The following NOVA1 variants were observed in gnomAD, a reference collection of about 807,000 sequenced individuals.
NOVA1 encodes NOVA alternative splicing regulator 1, also known as RNA-binding protein Nova-1.
NOVA1 carries 7 observed loss-of-function variants against 38.0 expected under a neutral mutation model. The observed-to-expected ratio is 0.18, with a 90% confidence interval of 0.10 to 0.35. NOVA1 has a LOEUF of 0.35. Ranked by LOEUF, NOVA1 falls within the 10% of genes least tolerant of loss-of-function variation. The pLI, the probability that NOVA1 is intolerant of heterozygous loss-of-function variation, is 1.00. For synonymous variants in NOVA1, 270 were observed against 232.5 expected (o/e 1.16, Z -1.47); for missense variants, 460 against 616.0 (o/e 0.75, Z 2.68).
chr14:26,456,197 TA>T (rs1438838415), intron 4 of NOVA1, among the ~76,000 whole-genome samples: 3 of 152,010 alleles, frequency 2.0e-5, no homozygotes, highest in Non-Finnish European at 4.4e-5. Flanking sequence ...ACATTAAAAT[TA>T]AAAAGTAAAA....
At chr14:26,490,329 G>A (rs1482792058) in intron 2 of NOVA1, among the ~76,000 whole-genome samples, 7 of 152,128 alleles carry the variant, frequency 4.6e-5, no homozygotes, top group Non-Finnish European at 1.5e-5. Context: ...GGTAGCATCT[G>A]CTTCAGTGCT....
Position 26,445,638 on chromosome 14 carries a change from C to T in NOVA1, c.*2321G>A, listed in dbSNP as rs1882010286. On this transcript the variant is annotated 3_prime_UTR_variant, in exon 5 of 5. Coordinates refer to ENST00000539517, the MANE Select transcript of NOVA1 (RefSeq NM_002515.3). ...CTACTGGAATTTTGAAATAAAAGAT[C>T]GAAGATTTGCTAAGACTGAACAAAA... is the stretch of plus-strand genomic sequence containing the variant. The T allele has an allele frequency of 1.3e-5, 2 of 152,000 alleles. No individual in the cohort carries two copies. The highest frequency in any genetic ancestry group is 2.1e-4 in the South Asian group (1 of 4,814). 9.4% of individuals were successfully genotyped at this position (152,000 alleles called of 1,614,324 possible).
At chr14:26,568,470 G>A (rs1401502025) in intron 2 of NOVA1, 1 of 152,014 alleles carries the variant, frequency 6.6e-6, no homozygotes, top group East Asian at 1.9e-4. Context: ...GGGTAGCTGG[G>A]GAAAATAAGA....
At chr14:26,546,219 T>C (rs1043458987) in intron 2 of NOVA1, among the ~76,000 whole-genome samples, 4 of 152,074 alleles carry the variant, frequency 2.6e-5, no homozygotes, top group Non-Finnish European at 5.9e-5. Context: ...GTGTATAAAA[T>C]ACTAAAGCTT....
At chr14:26,473,955 T>C (rs1884785930) in intron 3 of NOVA1, among the ~76,000 whole-genome samples, 1 of 152,048 alleles carries the variant, frequency 6.6e-6, no homozygotes, top group African/African-American at 2.4e-5. Flanking sequence ...TTTCCAATCA[T>C]TAAAAATTTC....
At chr14:26,543,671 T>C (rs971507440) in intron 2 of NOVA1, among the ~76,000 whole-genome samples, 1 of 151,874 alleles carries the variant, frequency 6.6e-6, no homozygotes, top group Admixed American at 6.6e-5. Flanking sequence ...ATTACAGAAA[T>C]GGATGGACAT....
chr14:26,597,056 G>A (rs949051744), intron 1 of NOVA1: 4 of 1,224,292 alleles, frequency 3.3e-6, no homozygotes, highest in Non-Finnish European at 4.1e-6. Context: ...GGTCTATTCC[G>A]AAAAACTGGT....
intron 2 of NOVA1, among the ~76,000 whole-genome samples, chr14:26,529,321 A>T (rs1357538337): frequency 6.6e-6 from 1 of 151,982 alleles, no homozygotes; most frequent in Non-Finnish European, 1.5e-5. Context: ...TATTTTTAGT[A>T]GAGACGGGGT....
At chr14:26,474,191 G>T (rs1884801223) in intron 3 of NOVA1, among the ~76,000 whole-genome samples, 1 of 151,958 alleles carries the variant, frequency 6.6e-6, no homozygotes, top group Non-Finnish European at 1.5e-5. Context: ...TAAATCTAGA[G>T]ATCATTTCTC....
At chr14:26,587,981 A>C (rs1893630830) in intron 2 of NOVA1, among the ~76,000 whole-genome samples, 1 of 151,184 alleles carries the variant, frequency 6.6e-6, no homozygotes, top group African/African-American at 2.4e-5. Context: ...ATTTTTTAGA[A>C]CTAAGTAAAC....
At chr14:26,476,016 G>A (rs1884957051) in intron 3 of NOVA1, among the ~76,000 whole-genome samples, 1 of 152,148 alleles carries the variant, frequency 6.6e-6, no homozygotes, top group Non-Finnish European at 1.5e-5. Flanking sequence ...TACTAGTGAA[G>A]TAACATTACT....
At chr14:26,585,427 A>C (rs764741840) in intron 2 of NOVA1, among the ~76,000 whole-genome samples, 2 of 151,258 alleles carry the variant, frequency 1.3e-5, no homozygotes, top group African/African-American at 4.8e-5. Flanking sequence ...ACCTCCCCCA[A>C]CAAAGTCACA....
At chr14:26,485,740 A>C (rs1418326237) in intron 2 of NOVA1, among the ~76,000 whole-genome samples, 1 of 152,184 alleles carries the variant, frequency 6.6e-6, no homozygotes, top group Admixed American at 6.5e-5. Context: ...AAAATGCATC[A>C]GTTTATATTC....
intron 2 of NOVA1, among the ~76,000 whole-genome samples, chr14:26,494,917 CGGCTTCTCATCTCATAT>C (rs1345262793): frequency 1.3e-5 from 2 of 152,168 alleles, no homozygotes; most frequent in Non-Finnish European, 2.9e-5. Flanking sequence ...AAAAACTTAA[CGGCTTCTCATCTCATAT>C]TAAGAGTTAA....
chr14:26,476,485 A>G (rs561502884), intron 3 of NOVA1, among the ~76,000 whole-genome samples: 16 of 152,282 alleles, frequency 1.1e-4, no homozygotes, highest in Non-Finnish European at 2.1e-4. Flanking sequence ...ACTGCAACAT[A>G]AATGTCCCAC....
At chr14:26,582,517 C>A (rs982327778) in intron 2 of NOVA1, among the ~76,000 whole-genome samples, 1 of 151,776 alleles carries the variant, frequency 6.6e-6, no homozygotes, top group Non-Finnish European at 1.5e-5. Flanking sequence ...TTTTCCTATG[C>A]ACTTTTTTCT....
At chr14:26,455,703 G>GA (rs535205365) in intron 4 of NOVA1, among the ~76,000 whole-genome samples, 27 of 147,568 alleles carry the variant, frequency 1.8e-4, no homozygotes, top group East Asian at 5.9e-4. Flanking sequence ...AAGAAAAATA[G>GA]AAAAAAAAAA....
intron 4 of NOVA1, among the ~76,000 whole-genome samples, chr14:26,456,709 TTC>T (rs769321858): frequency 6.6e-6 from 1 of 152,002 alleles, no homozygotes; most frequent in Non-Finnish European, 1.5e-5. Flanking sequence ...TTCACTTTGT[TTC>T]TGTCCTTATG....
At chr14:26,460,632 C>A (rs937940479) in intron 4 of NOVA1, among the ~76,000 whole-genome samples, 1 of 151,636 alleles carries the variant, frequency 6.6e-6, no homozygotes, top group Non-Finnish European at 1.5e-5. Flanking sequence ...TTATTGTCTC[C>A]GGAAAAATTC....
Sources: allele counts gnomAD v4.1 joint callset (sites outside exome capture counted in the v4.1 genomes callset), GRCh38; gene constraint gnomAD v4.1.1; transcripts MANE v1.5; gene names NCBI Gene and HGNC (gene_info 2026-07-23, HGNC 2026-07-21).